CDC6: variants seen among roughly 807,000 people sequenced by gnomAD.
CDC6 encodes the protein cell division cycle 6, also known as DNA replication factor CDC6.
In CDC6, 46 loss-of-function variants were observed where a neutral mutation model predicts 60.2. The ratio of observed to expected loss-of-function variants is 0.76; its 90% CI spans 0.60 to 0.98. The LOEUF (loss-of-function observed/expected upper bound fraction) is 0.98, where lower values mean the gene tolerates loss of function less well. Ranked by LOEUF, CDC6 falls within the 50% of genes least tolerant of loss-of-function variation. The probability of loss-of-function intolerance (pLI) is 0.00; values close to 1 mark genes in which losing one functional copy is unlikely to be tolerated. For missense variants in CDC6, 596 were observed against 652.9 expected, an observed-to-expected ratio of 0.91 and a Z score of 0.95; for synonymous variants, 210 against 233.2, an observed-to-expected ratio of 0.90 and a Z score of 0.90.
chr17:40,300,161 G>A (rs1045431839), intron 9 of CDC6, among the ~76,000 whole-genome samples: 2 of 151,884 alleles, frequency 1.3e-5, no homozygotes, highest in African/African-American at 2.4e-5. Flanking sequence ...ATGGAGTTTC[G>A]CCGTGTTGGG....
chr17:40,289,702 T>TA, intron 2 of CDC6, 104 bp downstream of exon 2: 76 of 590,078 alleles, frequency 1.3e-4, no homozygotes, highest in Non-Finnish European at 1.7e-4. Flanking sequence ...AGTTAAGACT[T>TA]CTTTTTTTTT....
rs1567738214 is a variant in CDC6 at position 40,303,222 on chromosome 17, G to A, written c.*1221G>A. On this transcript the variant is annotated 3_prime_UTR_variant, in exon 12 of 12. Transcript: ENST00000209728. ...AACATTGACTACTTTGAAAGGGGAT[G>A]CTTGAGGCTGAGGTAGTTTTGAGGG... is the stretch of plus-strand genomic sequence containing the variant. 1 of 152,222 alleles carries A rather than the reference G, an allele frequency of 6.6e-6. No individual in the cohort carries two copies. The highest frequency in any genetic ancestry group is 1.5e-5 in the Non-Finnish European group (1 of 68,036). The allele number at this position is 152,222 out of a possible 1,614,324, so 9.4% of individuals were successfully genotyped here.
chr17:40,296,880 ATG>A, intron 9 of CDC6, 113 bp downstream of exon 9: 1 of 800,906 alleles, frequency 1.2e-6, no homozygotes, highest in Non-Finnish European at 2.2e-6. Context: ...ACCCATTTTT[ATG>A]TGTGTCTGTG....
chr17:40,302,279 G>A lies in CDC6; in HGVS notation c.*278G>A. ...TAGCCAATGTGCTTGCAAGTGTACA[G>A]ATCTGTGTAGAGGAATGTGTGTATA... On this transcript the variant is annotated 3_prime_UTR_variant, in exon 12 of 12. Coordinates refer to ENST00000209728, the MANE Select transcript of CDC6 (RefSeq NM_001254.4). The A allele has an allele frequency of 2.2e-6, 1 of 452,676 alleles. No homozygotes were observed. Among genetic ancestry groups the A allele is most frequent in the South Asian group, 2.3e-5 (1 of 44,224 alleles). The allele number at this position is 452,676 out of a possible 1,614,324, so 28.0% of individuals were successfully genotyped here. A position where few individuals can be genotyped will look rare whatever the true frequency, so the allele number is the denominator to read the frequency against.
At position 40,303,850 on chromosome 17, in the gene CDC6, G is replaced by A. The variant is rs1382038761; in HGVS notation, c.*1849G>A. The A allele has an allele frequency of 6.6e-6, 1 of 152,262 alleles. No individual in the cohort carries two copies. Among genetic ancestry groups the A allele is most frequent in the Non-Finnish European group, 1.5e-5 (1 of 68,056 alleles). The allele number at this position is 152,262 out of a possible 1,614,324, so 9.4% of individuals were successfully genotyped here. A position where few individuals can be genotyped will look rare whatever the true frequency, so the allele number is the denominator to read the frequency against. On this transcript the variant is annotated 3_prime_UTR_variant, in exon 12 of 12. Transcript: ENST00000209728. ...TGGATGCTGCAGCCTTAAGAGACGTGACTGCTTTACAGTTTGTTTCCACAC... is the reference window on the plus strand; with the variant it reads ...TGGATGCTGCAGCCTTAAGAGACGTAACTGCTTTACAGTTTGTTTCCACAC...
chr17:40,290,720 G>A (rs1030241626), intron 2 of CDC6, among the ~76,000 whole-genome samples: 1 of 152,186 alleles, frequency 6.6e-6, no homozygotes, highest in African/African-American at 2.4e-5. Context: ...GGATATGCTG[G>A]CTGAAGGGAT....
intron 7 of CDC6, among the ~76,000 whole-genome samples, chr17:40,294,758 C>A (rs1407910892): frequency 6.8e-6 from 1 of 146,448 alleles, no homozygotes; most frequent in East Asian, 2.0e-4. Flanking sequence ...GAGTTTTGCT[C>A]TTATCGCCCA....
intron 4 of CDC6, 35 bp downstream of exon 4, chr17:40,291,703 A>T (rs771204106): frequency 5.2e-6 from 8 of 1,552,886 alleles, no homozygotes; most frequent in Non-Finnish European, 7.1e-6. Context: ...TACTCTTGGT[A>T]AAATGATACT....
rs1372873143 is a variant in CDC6, at chr17:40,294,486, C to T, written c.1066C>T (p.Gln356Ter). The change falls in exon 7 of 12, where the codon CAA (glutamine) becomes TAA (stop). Residue 356 changes from glutamine (Q) to a stop codon, truncating the protein, a stop_gained. Transcript: ENST00000209728. LOFTEE classifies it high-confidence loss of function. ...CAGAAATCAGATAGTCACTATTTTG[C>T]AAGATCGACTTAATCAGGTCAGTGC... ...YTRNQIVTIL[Q>*]DRLNQVSRDQ... 1 of 1,613,902 alleles carries T rather than the reference C, an allele frequency of 6.2e-7. No individual in the cohort carries two copies. The highest frequency in any genetic ancestry group is 1.3e-5 in the African/African-American group (1 of 74,928).
rs747783911 is a variant in CDC6, at chr17:40,293,516, G to C, written c.721G>C (p.Ala241Pro). The C allele has an allele frequency of 3.1e-6, 5 of 1,613,774 alleles. No homozygotes were observed. The highest frequency in any genetic ancestry group is 4.2e-6 in the Non-Finnish European group (5 of 1,179,810). Residue 241 changes from alanine to proline, a missense_variant, in exon 5 of 12, where the codon GCT (alanine) becomes CCT (proline). Ala to Pro is a conservative substitution (Grantham distance 27, BLOSUM62 -1). Transcript: ENST00000209728. ...LNCMSLRTAQ[A>P]VFPAIAQEIC... ...TTGCATGTCCTTGAGGACTGCCCAG[G>C]CTGTATTCCCAGCTATTGCTCAGGA...
At chr17:40,301,751 A>T (rs1276282271) in intron 11 of CDC6, 143 bp downstream of exon 11, 3 of 956,404 alleles carry the variant, frequency 3.1e-6, no homozygotes, top group Non-Finnish European at 5.1e-6. Flanking sequence ...GTGTGTAAAG[A>T]TGGGAGTGTG....
rs1278236007 is a variant in CDC6, at chr17:40,293,998, T to G, written c.885T>G (p.Asp295Glu). Residue 295 changes from aspartate (D) to glutamate (E), a missense_variant, in exon 6 of 12, where the codon GAT (aspartate) becomes GAG (glutamate). Transcript: ENST00000209728. ...EMDQLDSKGQ[D>E]VLYTLFEWPW... ...ATCAACTGGACAGCAAAGGCCAGGA[T>G]GTATTGTACACGCTATTTGAATGGC... The G allele has an allele frequency of 1.2e-6, 2 of 1,614,166 alleles. No individual in the cohort carries two copies. Among genetic ancestry groups the G allele is most frequent in the African/African-American group, 1.3e-5 (1 of 75,064 alleles).
rs1221475980 is a variant in CDC6 at position 40,304,249 on chromosome 17, A to G, written c.*2248A>G. ...GGTTGGTTCTGTCAATGATGCATGA[A>G]GCAGACTTAGTGTCCCTGCTTGGCT... On this transcript the variant is annotated 3_prime_UTR_variant, in exon 12 of 12. Transcript: ENST00000209728. The G allele has an allele frequency of 6.6e-6, 1 of 152,262 alleles. No individual in the cohort carries two copies. Among genetic ancestry groups the G allele is most frequent in the Non-Finnish European group, 1.5e-5 (1 of 68,052 alleles). The allele number at this position is 152,262 out of a possible 1,614,324, so 9.4% of individuals were successfully genotyped here.
intron 9 of CDC6, among the ~76,000 whole-genome samples, chr17:40,300,446 A>G (rs1364891317): frequency 6.6e-6 from 1 of 152,144 alleles, no homozygotes; most frequent in Non-Finnish European, 1.5e-5. Flanking sequence ...GCAGTGAGCC[A>G]TGATAGTGCC....
At chr17:40,299,138 CTTTTTTTTTTTTTTTTTT>C (rs67162965) in intron 9 of CDC6, among the ~76,000 whole-genome samples, 1 of 60,802 alleles carries the variant, frequency 1.6e-5, no homozygotes, top group Non-Finnish European at 3.1e-5. Context: ...AGGCCATAGT[CTTTTTTTTTTTTTTTTTT>C]TTTTTTTTTT....
At chr17:40,289,637 G>C (rs769541687) in intron 2 of CDC6, 39 bp downstream of exon 2, 1 of 1,540,374 alleles carries the variant, frequency 6.5e-7, no homozygotes, top group Admixed American at 1.7e-5. Flanking sequence ...CTAGCAGCTC[G>C]TGACCTTTCT....
chr17:40,295,377 G>C lies in CDC6; in HGVS notation c.1105G>C (p.Asp369His). The C allele has an allele frequency of 6.2e-7, 1 of 1,612,956 alleles. No individual in the cohort carries two copies. Among genetic ancestry groups the C allele is most frequent in the East Asian group, 2.2e-5 (1 of 44,868 alleles). ...GAAGGTATCTAGAGATCAGGTTCTG[G>C]ACAATGCTGCAGTTCAATTCTGTGC... ...LNQVSRDQVL[D>H]NAAVQFCARK... Residue 369 changes from aspartate (D) to histidine (H), a missense_variant, in exon 8 of 12, where the codon GAC becomes CAC. Transcript: ENST00000209728.
rs749081779 is a variant in CDC6, at chr17:40,294,418, G to C, written c.998G>C (p.Arg333Thr). 6 of 1,611,212 alleles carry C rather than the reference G, an allele frequency of 3.7e-6. No homozygotes were observed. Among genetic ancestry groups the C allele is most frequent in the Non-Finnish European group, 5.1e-6 (6 of 1,177,414 alleles). Residue 333 changes from arginine to threonine, a missense_variant, in exon 7 of 12, where the codon AGA (arginine) becomes ACA (threonine). By Grantham distance (71) the Arg-to-Thr change is moderately conservative. Transcript: ENST00000209728. ...AGAATTCTACCTAGGCTTCAAGCTAGAGAAAAATGTAAGCCACAGCTGTTG... is the reference window on the plus strand; with the variant it reads ...AGAATTCTACCTAGGCTTCAAGCTACAGAAAAATGTAAGCCACAGCTGTTG... ...TDRILPRLQA[R>T]EKCKPQLLNF...
At chr17:40,300,331 C>G (rs983664216) in intron 9 of CDC6, among the ~76,000 whole-genome samples, 1 of 152,038 alleles carries the variant, frequency 6.6e-6, no homozygotes, top group African/African-American at 2.4e-5. Context: ...TATTCTATAC[C>G]TCTGAGATAC....
Sources: gnomAD v4.1 joint callset for allele counts (sites outside exome capture counted in the v4.1 genomes callset) on GRCh38, gnomAD v4.1.1 for gene constraint, MANE v1.5 for transcripts, NCBI Gene and HGNC (gene_info 2026-07-23, HGNC 2026-07-21) for gene names.